The following IRGM variants were observed in gnomAD, a reference collection of about 807,000 sequenced individuals.
The protein encoded by IRGM is immunity related GTPase M.
For synonymous variants in IRGM, 98 were observed against 80.6 expected, an observed-to-expected ratio of 1.22 and a Z score of -1.16; for missense variants, 288 against 219.9, an observed-to-expected ratio of 1.31 and a Z score of -1.96.
chr5:150,889,622 A>G (rs1448781257), intron 3 of IRGM, among the ~76,000 whole-genome samples: 2 of 151,990 alleles, frequency 1.3e-5, no homozygotes, highest in Non-Finnish European at 1.5e-5. Flanking sequence ...CAGTATATTG[A>G]TCACTAGAAA....
intron 3 of IRGM, chr5:150,896,268 G>C (rs1345714330): frequency 2.5e-6 from 4 of 1,613,686 alleles, no homozygotes; most frequent in Non-Finnish European, 3.4e-6. Context: ...ACAATCATAA[G>C]GTTTCTCCCC....
intron 3 of IRGM, among the ~76,000 whole-genome samples, chr5:150,880,081 G>A (rs1483498434): frequency 2.0e-5 from 3 of 152,060 alleles, no homozygotes; most frequent in South Asian, 2.1e-4. Context: ...TAAAATTCCT[G>A]TCTTTGGATT....
chr5:150,851,767 C>T (rs1280644337), downstream of IRGM, among the ~76,000 whole-genome samples: 2 of 152,302 alleles, frequency 1.3e-5, no homozygotes, highest in Middle Eastern at 3.4e-3. Flanking sequence ...GGAAGATTAC[C>T]CAAGAAGTTC....
chr5:150,893,911 A>AATC, intron 3 of IRGM, among the ~76,000 whole-genome samples: 1 of 152,120 alleles, frequency 6.6e-6, no homozygotes, highest in East Asian at 1.9e-4. Flanking sequence ...ACAATATATA[A>AATC]ATCACCTGGG....
intron 1 of IRGM, among the ~76,000 whole-genome samples, chr5:150,871,456 G>A (rs954838232): frequency 6.6e-6 from 1 of 152,248 alleles, no homozygotes; most frequent in East Asian, 1.9e-4. Flanking sequence ...TGTCTTCTCA[G>A]CTGATCAAAC....
intron 3 of IRGM, chr5:150,896,897 T>G (rs370594119): frequency 1.2e-4 from 196 of 1,613,566 alleles, no homozygotes; most frequent in Non-Finnish European, 1.0e-4. Context: ...CCCTTGTGAC[T>G]CCTTTCAGTA....
At chr5:150,850,572 C>CT, downstream of IRGM, among the ~76,000 whole-genome samples, 1 of 152,108 alleles carries the variant, frequency 6.6e-6, no homozygotes, top group South Asian at 2.1e-4. Context: ...ATGTACCCCC[C>CT]TTTTTTGAGA....
intron 3 of IRGM, among the ~76,000 whole-genome samples, chr5:150,889,488 C>T (rs566300522): frequency 1.3e-5 from 2 of 152,114 alleles, no homozygotes; most frequent in South Asian, 2.1e-4. Context: ...CTACAATTCA[C>T]GATGAGATTT....
chr5:150,901,413 T>C (rs1415482395), downstream of IRGM, among the ~76,000 whole-genome samples: 1 of 152,112 alleles, frequency 6.6e-6, no homozygotes, highest in East Asian at 1.9e-4. Context: ...TGGTATGTAC[T>C]TAACATATCT....
At chr5:150,859,952 T>A (rs1386109054) in intron 1 of IRGM, among the ~76,000 whole-genome samples, 2 of 152,162 alleles carry the variant, frequency 1.3e-5, no homozygotes, top group Non-Finnish European at 2.9e-5. Context: ...ATCTTAACAG[T>A]CACCTAGGGG....
At chr5:150,888,942 T>C (rs558626997) in intron 3 of IRGM, among the ~76,000 whole-genome samples, 1 of 152,206 alleles carries the variant, frequency 6.6e-6, no homozygotes, top group East Asian at 1.9e-4. Flanking sequence ...TTTTGGTCCT[T>C]CTAAATTTCT....
Position 150,847,864 on chromosome 5 carries a change from G to A in IRGM, c.-260G>A, listed in dbSNP as rs1419607616. On this transcript the variant is annotated 5_prime_UTR_variant, in exon 2 of 2. The change creates a new upstream start codon in the 5' untranslated region. Transcript: ENST00000522154. ...TGTTGCCAGGCTGGAGTGCAATGGC[G>A]TGATCTCAGCTCACTGCAATATCTG... The A allele has an allele frequency of 1.2e-5, 5 of 425,526 alleles. No homozygotes were observed. The highest frequency in any genetic ancestry group is 4.0e-5 in the Admixed American group (1 of 25,056). The allele number at this position is 425,526 out of a possible 1,614,324, so 26.4% of individuals were successfully genotyped here.
chr5:150,851,341 T>C (rs145459696), downstream of IRGM, among the ~76,000 whole-genome samples: 1 of 152,260 alleles, frequency 6.6e-6, no homozygotes, highest in Non-Finnish European at 1.5e-5. Context: ...GTAGACATGA[T>C]TGGTATGGCT....
chr5:150,866,940 C>T (rs1008595410), intron 1 of IRGM, among the ~76,000 whole-genome samples: 1 of 143,878 alleles, frequency 7.0e-6, no homozygotes, highest in Non-Finnish European at 1.5e-5. Flanking sequence ...ATTGACATAA[C>T]ACATAGTGAA....
intron 1 of IRGM, among the ~76,000 whole-genome samples, chr5:150,869,911 A>G (rs1754258970): frequency 6.6e-6 from 1 of 152,046 alleles, no homozygotes; most frequent in South Asian, 2.1e-4. Context: ...TGCTCTCAAT[A>G]TGGTGAAGAT....
intron 1 of IRGM, among the ~76,000 whole-genome samples, chr5:150,860,692 A>T (rs1430905652): frequency 6.6e-6 from 1 of 152,148 alleles, no homozygotes. Flanking sequence ...GGCTGTGGCC[A>T]CTGTTTGCCA....
intron 3 of IRGM, chr5:150,896,807 G>A (rs1445487916): frequency 6.2e-7 from 1 of 1,613,748 alleles, no homozygotes; most frequent in Non-Finnish European, 8.5e-7. Context: ...CCTGCCTGAA[G>A]AGTTTGTCTT....
chr5:150,870,773 C>T (rs1754271481), intron 1 of IRGM, among the ~76,000 whole-genome samples: 1 of 152,074 alleles, frequency 6.6e-6, no homozygotes, highest in South Asian at 2.1e-4. Flanking sequence ...TTCTCCTTAC[C>T]ATTAGAGCAC....
chr5:150,870,299 G>C (rs991787317), intron 1 of IRGM, among the ~76,000 whole-genome samples: 2 of 151,990 alleles, frequency 1.3e-5, no homozygotes, highest in Non-Finnish European at 2.9e-5. Flanking sequence ...AGATTTTGGG[G>C]GTTTACATTT....
Sources: allele counts gnomAD v4.1 joint callset (sites outside exome capture counted in the v4.1 genomes callset), GRCh38; gene constraint gnomAD v4.1.1; transcripts MANE v1.5; gene names NCBI Gene and HGNC (gene_info 2026-07-23, HGNC 2026-07-21).